IQCK: variants seen among roughly 807,000 people sequenced by gnomAD.
The protein encoded by IQCK is IQ domain-containing protein K.
A neutral mutation model predicts 28.1 loss-of-function variants in IQCK; 29 were observed. The observed-to-expected ratio is 1.03, with a 90% CI of 0.77 to 1.41. The LOEUF is 1.41. IQCK is among the 40% of genes most tolerant of loss of function. IQCK has a pLI of 0.00. For missense variants in IQCK, 359 were observed against 314.7 expected (o/e 1.14, Z -1.07); for synonymous variants, 113 against 115.1 (o/e 0.98, Z 0.12).
chr16:19,718,597 CAGCGGCTCCGCG>C (rs2151666398), intron 1 of IQCK, 110 bp downstream of exon 1: 1 of 1,033,372 alleles, frequency 9.7e-7, no homozygotes, highest in East Asian at 3.3e-5. Context: ...GGCCGCCGGG[CAGCGGCTCCGCG>C]GGCCCGGGCT....
intron 4 of IQCK, among the ~76,000 whole-genome samples, chr16:19,751,863 C>T (rs1287949564): frequency 1.3e-5 from 2 of 152,056 alleles, no homozygotes; most frequent in Admixed American, 1.3e-4. Flanking sequence ...TCTGCATTGC[C>T]ATTGACCTTT....
At chr16:19,824,473 A>G (rs1256580912) in intron 7 of IQCK, among the ~76,000 whole-genome samples, 1 of 152,212 alleles carries the variant, frequency 6.6e-6, no homozygotes. Context: ...CTAACAGGCC[A>G]TGGACCGGTA....
At chr16:19,722,300 A>T (rs1597491464) in intron 1 of IQCK, among the ~76,000 whole-genome samples, 1 of 151,838 alleles carries the variant, frequency 6.6e-6, no homozygotes, top group African/African-American at 2.4e-5. Flanking sequence ...AGAAGCTCTC[A>T]CCCCGCTACT....
At chr16:19,766,372 A>G (rs1251253886) in intron 6 of IQCK, among the ~76,000 whole-genome samples, 1 of 152,244 alleles carries the variant, frequency 6.6e-6, no homozygotes, top group East Asian at 1.9e-4. Context: ...GCATGAGACC[A>G]TCCACGTGCC....
chr16:19,827,441 C>T (rs558763835), downstream of IQCK, among the ~76,000 whole-genome samples: 2 of 152,218 alleles, frequency 1.3e-5, no homozygotes, highest in Non-Finnish European at 2.9e-5. Flanking sequence ...CAGTGTCTAT[C>T]AGTATGATGG....
chr16:19,835,443 T>A (rs946288160), intron 9 of IQCK, among the ~76,000 whole-genome samples: 8 of 152,178 alleles, frequency 5.3e-5, no homozygotes, highest in African/African-American at 1.9e-4. Flanking sequence ...AGTGGCTCCA[T>A]AAAAATGATA....
At chr16:19,756,348 C>T (rs1252882173) in intron 4 of IQCK, among the ~76,000 whole-genome samples, 1 of 150,438 alleles carries the variant, frequency 6.6e-6, no homozygotes, top group Non-Finnish European at 1.5e-5. Flanking sequence ...GAAAAATAAA[C>T]CATTGACAAG....
intron 7 of IQCK, among the ~76,000 whole-genome samples, chr16:19,808,919 G>A (rs11641590): frequency 0.15 from 22,865 of 152,172 alleles, 1,936 homozygotes; most frequent in South Asian, 0.26. Context: ...GTGCAATGGC[G>A]CAATCTTGGC....
intron 7 of IQCK, among the ~76,000 whole-genome samples, chr16:19,815,741 G>C (rs1284020352): frequency 6.6e-6 from 1 of 152,122 alleles, no homozygotes; most frequent in Admixed American, 6.6e-5. Flanking sequence ...TGAAAAACTA[G>C]CTTTTGTTTT....
At chr16:19,814,367 C>CGCACTCCA (rs1023014630) in intron 7 of IQCK, among the ~76,000 whole-genome samples, 1 of 150,940 alleles carries the variant, frequency 6.6e-6, no homozygotes, top group Non-Finnish European at 1.5e-5. Flanking sequence ...ATCGCACCAT[C>CGCACTCCA]GCACTCCAGC....
Position 19,718,466 on chromosome 16 carries a change from CTG to C in IQCK, c.163_164del (p.Trp55GlyfsTer8), listed in dbSNP as rs1370382344. 4 of 1,607,112 alleles carry C rather than the reference CTG, an allele frequency of 2.5e-6. No individual in the cohort carries two copies. Among genetic ancestry groups the C allele is most frequent in the Non-Finnish European group, 2.5e-6 (3 of 1,177,846 alleles). ...GGTCACCGAGCCGTCAAGCAAGAAT[CTG>C]TGGGAGCAGATCTGCAAGGGTAGGA... On this transcript the variant is annotated frameshift_variant, in exon 1 of 8. Coordinates refer to ENST00000564186, the Ensembl canonical transcript of IQCK. LOFTEE classifies it high-confidence loss of function.
intron 6 of IQCK, among the ~76,000 whole-genome samples, chr16:19,775,117 C>T (rs906167528): frequency 6.6e-6 from 1 of 151,504 alleles, no homozygotes; most frequent in Non-Finnish European, 1.5e-5. Flanking sequence ...ATCCCAGCTA[C>T]TCAGGAGGCT....
intron 4 of IQCK, among the ~76,000 whole-genome samples, chr16:19,752,211 TC>T (rs1171658585): frequency 6.6e-6 from 1 of 152,216 alleles, no homozygotes; most frequent in Non-Finnish European, 1.5e-5. Flanking sequence ...ACACGAGCGA[TC>T]AGAATTTAAT....
At chr16:19,822,935 C>T (rs1469361808) in intron 7 of IQCK, among the ~76,000 whole-genome samples, 1 of 151,810 alleles carries the variant, frequency 6.6e-6, no homozygotes, top group Non-Finnish European at 1.5e-5. Context: ...GACAACAAGG[C>T]TCTTTGATGT....
intron 7 of IQCK, among the ~76,000 whole-genome samples, chr16:19,793,647 T>G (rs1403337738): frequency 4.8e-5 from 5 of 103,254 alleles, no homozygotes; most frequent in African/African-American, 1.6e-4. Flanking sequence ...AGTTGGGTTT[T>G]TTTTTTTTTT....
chr16:19,724,888 G>A (rs1977607296), intron 1 of IQCK, among the ~76,000 whole-genome samples: 1 of 152,026 alleles, frequency 6.6e-6, no homozygotes, highest in African/African-American at 2.4e-5. Context: ...GCTGCAAATA[G>A]CAGAAAGCCC....
rs1195222765 is a variant in IQCK at position 19,821,961 on chromosome 16, C to G, written c.691-5065C>G. Among the ~76,000 whole-genome samples, 51 of 147,400 alleles carry G rather than the reference C, an allele frequency of 3.5e-4. 1 individual carries two copies. In the Admixed American group the frequency reaches 3.5e-3, roughly 10 times the overall value. On this transcript the variant is annotated intron_variant, in intron 7 of 7. Transcript: ENST00000564186. ...TGGGTGTGGTGGCACGCCTGTAGTC[C>G]CAGCTGAGGTGAGAGGATTGCTTGA...
At chr16:19,762,463 C>T (rs2055161834) in intron 4 of IQCK, among the ~76,000 whole-genome samples, 1 of 152,320 alleles carries the variant, frequency 6.6e-6, no homozygotes, top group South Asian at 2.1e-4. Context: ...TCGATATGAG[C>T]ACTGTCTTTT....
chr16:19,746,729 AG>A (rs1160191950), intron 4 of IQCK, among the ~76,000 whole-genome samples: 1 of 152,192 alleles, frequency 6.6e-6, no homozygotes, highest in Non-Finnish European at 1.5e-5. Context: ...CTCTGACCTG[AG>A]GGTGACCCAA....
Sources: gnomAD v4.1 joint callset for allele counts (sites outside exome capture counted in the v4.1 genomes callset) on GRCh38, gnomAD v4.1.1 for gene constraint, MANE v1.5 for transcripts, NCBI Gene and HGNC (gene_info 2026-07-23, HGNC 2026-07-21) for gene names.